Variants in MOK observed in about 807,000 individuals in gnomAD.
MOK encodes the protein MAPK/MAK/MRK overlapping kinase.
MOK carries 59 observed loss-of-function variants against 54.2 expected under a neutral mutation model. The ratio of observed to expected loss-of-function variants is 1.09; its 90% CI spans 0.88 to 1.35. MOK has a LOEUF of 1.35. Ranked by LOEUF, MOK falls within the 40% of genes most tolerant of loss-of-function variation. The probability of loss-of-function intolerance (pLI) is 0.00; values close to 1 mark genes in which losing one functional copy is unlikely to be tolerated. For missense variants in MOK, 517 were observed against 526.2 expected (o/e 0.98, Z 0.17); for synonymous variants, 210 against 202.7 (o/e 1.04, Z -0.31).
chr14:102,301,933 G>C (rs2072248342), intron 1 of MOK, among the ~76,000 whole-genome samples: 1 of 151,582 alleles, frequency 6.6e-6, no homozygotes, highest in Non-Finnish European at 1.5e-5. Context: ...GTATTTTTTG[G>C]TTGAGATGGG....
At chr14:102,220,954 A>T (rs780355764), downstream of MOK, among the ~76,000 whole-genome samples, 6 of 152,042 alleles carry the variant, frequency 3.9e-5, no homozygotes, top group Non-Finnish European at 5.9e-5. This position sits in a 1 kb window ranked among gnomAD's most constrained non-coding sequence, Gnocchi z 4.2. Context: ...ATTAGTAGAG[A>T]TGGAGTTTCA....
chr14:102,266,593 T>C (rs1814402864), intron 2 of MOK, among the ~76,000 whole-genome samples: 1 of 152,018 alleles, frequency 6.6e-6, no homozygotes, highest in South Asian at 2.1e-4. Flanking sequence ...TGATTTTTTG[T>C]TTTTTTGAAA....
chr14:102,222,797 T>G (rs763179466), downstream of MOK: 1 of 1,613,976 alleles, frequency 6.2e-7, no homozygotes, highest in South Asian at 1.1e-5. The surrounding 1 kb of genome is among the most constrained non-coding windows in gnomAD (Gnocchi z 4.4). Context: ...GTCCGGTGTT[T>G]TGCTGGATTA....
In MOK at chr14:102,240,364, ACCAGTCCCCTGT is replaced by A. The variant is rs2065614317; in HGVS notation, c.591-6587_591-6576del. On this transcript the variant is annotated intron_variant, in intron 7 of 11. Coordinates refer to ENST00000361847, the MANE Select transcript of MOK (RefSeq NM_014226.3). This position sits in a 1 kb window ranked among gnomAD's most constrained non-coding sequence, Gnocchi z 5.4. ...CGGGACAGGAGGACTCCTTCGGGAG[ACCAGTCCCCTGT>A]CCTTGCCCTCACTCCGTGAGGAGAT... 6.5e-6 allele frequency: 1 copy of A among 153,206 alleles called. No individual in the cohort carries two copies. The highest frequency in any genetic ancestry group is 2.4e-5 in the African/African-American group (1 of 41,472). The allele number at this position is 153,206 out of a possible 1,614,324, so 9.5% of individuals were successfully genotyped here.
At chr14:102,222,352 C>T (rs1172383265), downstream of MOK, among the ~76,000 whole-genome samples, 6 of 152,236 alleles carry the variant, frequency 3.9e-5, no homozygotes, top group Non-Finnish European at 8.8e-5. This position sits in a 1 kb window ranked among gnomAD's most constrained non-coding sequence, Gnocchi z 4.4. Flanking sequence ...CAAGAACCCC[C>T]CAGCAGAGAA....
At chr14:102,294,179 G>T (rs145339311) in intron 1 of MOK, among the ~76,000 whole-genome samples, 1 of 151,298 alleles carries the variant, frequency 6.6e-6, no homozygotes, top group African/African-American at 2.5e-5. Context: ...GGGTGCGGTG[G>T]CTCATGCCTG....
At chr14:102,278,297 AG>A (rs2069073906) in intron 2 of MOK, among the ~76,000 whole-genome samples, 1 of 151,874 alleles carries the variant, frequency 6.6e-6, no homozygotes, top group South Asian at 2.1e-4. Context: ...TAAAAATAGC[AG>A]GGATGTTGAT....
downstream of MOK, among the ~76,000 whole-genome samples, chr14:102,226,616 G>C (rs557376069): frequency 7.0e-4 from 107 of 152,296 alleles, no homozygotes; most frequent in Non-Finnish European, 1.2e-3. The surrounding 1 kb of genome is among the most constrained non-coding windows in gnomAD (Gnocchi z 4.8). Context: ...GACGGACACA[G>C]GGAACCACAC....
chr14:102,233,863 G>T, intron 7 of MOK, 74 bp from the exon 8 acceptor site: 1 of 1,116,762 alleles, frequency 9.0e-7, no homozygotes, highest in Non-Finnish European at 1.4e-6. Flanking sequence ...CAAACCATCT[G>T]GACCGCACAA....
Position 102,232,418 on chromosome 14 carries a change from G to A in MOK, c.866+117C>T. Reference sequence around the variant, plus strand: ...CCCTGACCACTCTTCAGGATAGAGAGCGCGATTCCCAAGAACCAGGGACCC... The same window carrying A: ...CCCTGACCACTCTTCAGGATAGAGAACGCGATTCCCAAGAACCAGGGACCC... On this transcript the variant is annotated intron_variant, in intron 9 of 11. Transcript: ENST00000361847. This position sits in a 1 kb window ranked among gnomAD's most constrained non-coding sequence, Gnocchi z 5.1. 3.2e-6 allele frequency: 4 copies of A among 1,237,490 alleles called. No homozygotes were observed. The highest frequency in any genetic ancestry group is 4.5e-6 in the Non-Finnish European group (4 of 890,366). The allele number at this position is 1,237,490 out of a possible 1,614,324, so 76.7% of individuals were successfully genotyped here.
chr14:102,243,098 T>C (rs1056948858), intron 7 of MOK, among the ~76,000 whole-genome samples: 5 of 152,222 alleles, frequency 3.3e-5, no homozygotes, highest in African/African-American at 4.8e-5. Context: ...CTGCTAATCA[T>C]GTCTGGCTAA....
At chr14:102,295,114 C>A (rs1416277602) in intron 1 of MOK, among the ~76,000 whole-genome samples, 1 of 152,128 alleles carries the variant, frequency 6.6e-6, no homozygotes. Context: ...GCAGACAAAG[C>A]ATGATACAAA....
downstream of MOK, among the ~76,000 whole-genome samples, chr14:102,220,420 C>T (rs115082612): frequency 4.6e-3 from 708 of 152,286 alleles, 6 homozygotes; most frequent in African/African-American, 0.016. This position sits in a 1 kb window ranked among gnomAD's most constrained non-coding sequence, Gnocchi z 4.2. Context: ...TATGAAACAT[C>T]TTCAGTTAAA....
At chr14:102,224,802 G>GA (rs1279233696), downstream of MOK, 1 of 455,898 alleles carries the variant, frequency 2.2e-6, no homozygotes, top group Non-Finnish European at 4.4e-6. Flanking sequence ...CTTCTAGAAA[G>GA]AGAAATAATA....
At chr14:102,258,629 T>G (rs1460269907) in intron 4 of MOK, among the ~76,000 whole-genome samples, 4 of 152,194 alleles carry the variant, frequency 2.6e-5, no homozygotes, top group Non-Finnish European at 5.9e-5. Context: ...TGTCCAATTC[T>G]ACCACTCCTC....
At chr14:102,224,716 T>A (rs114366241), downstream of MOK, 882 of 456,054 alleles carry the variant, frequency 1.9e-3, 7 homozygotes, top group African/African-American at 0.015. Flanking sequence ...TAGTTACAGC[T>A]TGAGTTCTCA....
chr14:102,301,964 C>G (rs2072254010), intron 1 of MOK, among the ~76,000 whole-genome samples: 1 of 152,048 alleles, frequency 6.6e-6, no homozygotes, highest in Non-Finnish European at 1.5e-5. Flanking sequence ...ATTGGCCAGG[C>G]TGGTCTCGAA....
At chr14:102,297,470 A>G (rs564769014) in intron 1 of MOK, among the ~76,000 whole-genome samples, 11 of 152,386 alleles carry the variant, frequency 7.2e-5, no homozygotes, top group Non-Finnish European at 1.6e-4. Flanking sequence ...GATTCCATGA[A>G]AATACTAGTG....
intron 1 of MOK, among the ~76,000 whole-genome samples, chr14:102,294,394 C>A (rs1176181107): frequency 1.3e-5 from 2 of 148,942 alleles, no homozygotes; most frequent in Admixed American, 1.4e-4. Flanking sequence ...GGCAGTGAGC[C>A]GAGATAGCGC....
Sources: allele counts gnomAD v4.1 joint callset (sites outside exome capture counted in the v4.1 genomes callset), GRCh38; gene constraint gnomAD v4.1.1; non-coding constraint Gnocchi (gnomAD v3.1); transcripts MANE v1.5; gene names NCBI Gene and HGNC (gene_info 2026-07-23, HGNC 2026-07-21).